The following IGF2BP3 variants were observed in gnomAD, a reference collection of about 807,000 sequenced individuals.
IGF2BP3 encodes the protein insulin-like growth factor 2 mRNA-binding protein 3.
IGF2BP3 carries 9 observed loss-of-function variants against 73.8 expected under a neutral mutation model. The ratio of observed to expected loss-of-function variants is 0.12; its 90% CI spans 0.07 to 0.21. The LOEUF (loss-of-function observed/expected upper bound fraction) is 0.21. IGF2BP3 is among the 10% of genes least tolerant of loss of function. The probability of loss-of-function intolerance (pLI) is 1.00; values close to 1 mark genes in which losing one functional copy is unlikely to be tolerated. For synonymous variants in IGF2BP3, 258 were observed against 256.7 expected (o/e 1.01, Z -0.05); for missense variants, 542 against 714.0 (o/e 0.76, Z 2.75).
In IGF2BP3 at chr7:23,460,194, AAAC is replaced by A. The variant is rs1395872502; in HGVS notation, c.236+8285_236+8287del. Among the ~76,000 whole-genome samples the A allele has an allele frequency of 4.1e-3, 617 of 149,268 alleles. 13 individuals are homozygous for A. The highest frequency in any genetic ancestry group is 5.3e-3 in the Non-Finnish European group (354 of 67,238). On this transcript the variant is annotated intron_variant, in intron 2 of 14. Coordinates refer to ENST00000258729, the MANE Select transcript of IGF2BP3 (RefSeq NM_006547.3). ...ACCCTGCCTCAAAAAAAAAAAAAAA[AAAC>A]AAAAACGAAAGTGAGCTCACACTCA...
At chr7:23,332,624 A>G (rs894942134) in intron 10 of IGF2BP3, among the ~76,000 whole-genome samples, 2 of 152,222 alleles carry the variant, frequency 1.3e-5, no homozygotes, top group Non-Finnish European at 2.9e-5. Flanking sequence ...AAATTATTTC[A>G]TTCTTCACTA....
At chr7:23,366,219 C>G (rs1023751523) in intron 3 of IGF2BP3, among the ~76,000 whole-genome samples, 3 of 151,784 alleles carry the variant, frequency 2.0e-5, no homozygotes, top group Admixed American at 1.3e-4. Context: ...CTCACTGCAA[C>G]GTCTGCCTCC....
intron 11 of IGF2BP3, among the ~76,000 whole-genome samples, chr7:23,318,637 C>T (rs1042748194): frequency 6.6e-6 from 1 of 152,210 alleles, no homozygotes; most frequent in Non-Finnish European, 1.5e-5. Flanking sequence ...TCTGTAGTTA[C>T]AAAATGTTTA....
chr7:23,312,819 T>G lies in IGF2BP3; in HGVS notation c.1557A>C (p.Ala519=). 2 of 1,610,174 alleles carry G rather than the reference T, an allele frequency of 1.2e-6. No homozygotes were observed. The highest frequency in any genetic ancestry group is 8.5e-7 in the Non-Finnish European group (1 of 1,178,900). The stretch of plus-strand genomic sequence containing the variant: ...TCTGGTCACGAGGGACAACAACTTC[T>G]GCACTTGACAAATTCTGAAGTTCAT... ...TVNELQNLSS[A]EVVVPRDQTP... is the part of the protein sequence containing the mutation. The change falls in exon 14 of 15, where the codon GCA becomes GCC. Residue 519 remains alanine (A), a synonymous_variant. Transcript: ENST00000258729.
intron 3 of IGF2BP3, among the ~76,000 whole-genome samples, chr7:23,404,033 G>A (rs1786751045): frequency 6.6e-6 from 1 of 151,772 alleles, no homozygotes; most frequent in Non-Finnish European, 1.5e-5. Context: ...TAGCTACTCA[G>A]GAGGCCAAGG....
intron 2 of IGF2BP3, among the ~76,000 whole-genome samples, chr7:23,426,608 T>G (rs1787518733): frequency 6.6e-6 from 1 of 152,244 alleles, no homozygotes; most frequent in Admixed American, 6.5e-5. Context: ...TTTGAGTTTC[T>G]CACTACCTGG....
chr7:23,362,273 GA>G (rs145541256), intron 3 of IGF2BP3, among the ~76,000 whole-genome samples: 8,025 of 147,624 alleles, frequency 0.054, 699 homozygotes, highest in African/African-American at 0.19. Context: ...AATAAAAAGA[GA>G]AAAAAAAAAC....
chr7:23,456,876 C>G (rs972611451), intron 2 of IGF2BP3, among the ~76,000 whole-genome samples: 1 of 152,008 alleles, frequency 6.6e-6, no homozygotes, highest in Admixed American at 6.6e-5. Flanking sequence ...ATGGTGAACC[C>G]CGTCTCTACT....
At chr7:23,364,028 C>T (rs907331325) in intron 3 of IGF2BP3, among the ~76,000 whole-genome samples, 1 of 152,158 alleles carries the variant, frequency 6.6e-6, no homozygotes, top group African/African-American at 2.4e-5. Context: ...CACCTGAGGT[C>T]AGGAGTTCGA....
chr7:23,431,833 A>ACT (rs1220510907), intron 2 of IGF2BP3, among the ~76,000 whole-genome samples: 2 of 152,036 alleles, frequency 1.3e-5, no homozygotes, highest in Non-Finnish European at 1.5e-5. Context: ...GCCAACCCAC[A>ACT]CACACACATT....
At chr7:23,424,224 C>A (rs866337005) in intron 2 of IGF2BP3, among the ~76,000 whole-genome samples, 4 of 151,982 alleles carry the variant, frequency 2.6e-5, no homozygotes, top group African/African-American at 9.7e-5. Flanking sequence ...AAAGGCCAGG[C>A]GCAGTGGCTC....
In IGF2BP3 at chr7:23,469,248, GC is replaced by G. The variant is rs1419484748; in HGVS notation, c.175+687del. 6.6e-6 allele frequency: 1 copy of G among 152,348 alleles called. No homozygotes were observed. Among genetic ancestry groups the G allele is most frequent in the East Asian group, 1.9e-4 (1 of 5,170 alleles). The allele number at this position is 152,348 out of a possible 1,614,324, so 9.4% of individuals were successfully genotyped here. On this transcript the variant is annotated intron_variant, in intron 1 of 14. Transcript: ENST00000258729. This position sits in a 1 kb window ranked among gnomAD's most constrained non-coding sequence, Gnocchi z 6.1. ...GGCGGAGCCATACCCGGAGGCCGCA[GC>G]CCCGCGCCAGGGCCCGGAGAGCGGC... is the stretch of plus-strand genomic sequence containing the variant.
chr7:23,407,633 TGA>T (rs1786879238), intron 3 of IGF2BP3, among the ~76,000 whole-genome samples: 1 of 149,170 alleles, frequency 6.7e-6, no homozygotes, highest in Non-Finnish European at 1.5e-5. Context: ...AAAAAACTTC[TGA>T]GAGAAATTAT....
intron 3 of IGF2BP3, among the ~76,000 whole-genome samples, chr7:23,374,308 G>C (rs1469464189): frequency 6.6e-6 from 1 of 152,152 alleles, no homozygotes; most frequent in Admixed American, 6.5e-5. Flanking sequence ...TGAGGGATTG[G>C]TTTCAGCAAC....
rs1583898869 is a variant in IGF2BP3, at chr7:23,334,321, C to G, written c.1203+7743G>C. On this transcript the variant is annotated intron_variant, in intron 10 of 14. Transcript: ENST00000258729. ...CCAGAGCCTGGGCAACAGAGCGAGA[C>G]TCTGTCTCAAAAAATAAAAAAGAAA... is the stretch of plus-strand genomic sequence containing the variant. Among the ~76,000 whole-genome samples, 3 of 152,236 alleles carry G rather than the reference C, an allele frequency of 2.0e-5. No individual in the cohort carries two copies. The South Asian group carries it at 6.2e-4, about 32-fold the overall frequency.
chr7:23,423,802 A>G (rs1438752283), intron 2 of IGF2BP3, among the ~76,000 whole-genome samples: 4 of 152,142 alleles, frequency 2.6e-5, no homozygotes, highest in Non-Finnish European at 4.4e-5. Flanking sequence ...CAAAATATTG[A>G]ATTATTTAAG....
intron 2 of IGF2BP3, among the ~76,000 whole-genome samples, chr7:23,443,088 T>C (rs1562756420): frequency 6.7e-6 from 1 of 150,124 alleles, no homozygotes; most frequent in Non-Finnish European, 1.5e-5. Context: ...TCTACATATT[T>C]AAACATTACA....
intron 10 of IGF2BP3, among the ~76,000 whole-genome samples, chr7:23,320,972 AAAAAC>A (rs1784127636): frequency 6.6e-6 from 1 of 151,340 alleles, no homozygotes; most frequent in Non-Finnish European, 1.5e-5. Context: ...AAAAAAAAGA[AAAAAC>A]AAAAAAGAAA....
intron 3 of IGF2BP3, among the ~76,000 whole-genome samples, chr7:23,402,869 C>G (rs376144241): frequency 3.3e-5 from 5 of 152,194 alleles, no homozygotes; most frequent in East Asian, 3.8e-4. Context: ...AACAGTAATT[C>G]TCAATGGAGA....
Sources: allele counts gnomAD v4.1 joint callset (sites outside exome capture counted in the v4.1 genomes callset), GRCh38; gene constraint gnomAD v4.1.1; non-coding constraint Gnocchi (gnomAD v3.1); transcripts MANE v1.5; gene names NCBI Gene and HGNC (gene_info 2026-07-23, HGNC 2026-07-21).